ARHGAP39: variants seen among roughly 807,000 people sequenced by gnomAD.
The protein encoded by ARHGAP39 is rho GTPase-activating protein 39.
Under a neutral mutation model 106.9 loss-of-function variants are expected in ARHGAP39, and 44 were observed. The observed-to-expected ratio is 0.41, with a 90% CI of 0.32 to 0.53. The LOEUF is 0.53. Among genes scored for constraint, ARHGAP39 ranks in the 20% least tolerant of loss-of-function variants. The pLI is 0.21. For synonymous variants in ARHGAP39, 768 were observed against 693.2 expected (o/e 1.11, Z -1.69); for missense variants, 1,496 against 1,577.3 (o/e 0.95, Z 0.87).
At chr8:144,653,131 T>A (rs1821613785) in intron 1 of ARHGAP39, among the ~76,000 whole-genome samples, 1 of 151,858 alleles carries the variant, frequency 6.6e-6, no homozygotes, top group Non-Finnish European at 1.5e-5. Flanking sequence ...AACCCAGTCT[T>A]GACTAAAAAT....
At chr8:144,597,921 CA>C (rs1484695945) in intron 2 of ARHGAP39, among the ~76,000 whole-genome samples, 1 of 152,142 alleles carries the variant, frequency 6.6e-6, no homozygotes, top group Non-Finnish European at 1.5e-5. Flanking sequence ...GTCCACACCA[CA>C]AAGGCTAAAA....
At position 144,547,617 on chromosome 8, in the gene ARHGAP39, C is replaced by T; in HGVS notation, c.1469G>A (p.Gly490Asp). 6.7e-7 allele frequency: 1 copy of T among 1,497,922 alleles called. No individual in the cohort carries two copies. Among genetic ancestry groups the T allele is most frequent in the Non-Finnish European group, 8.9e-7 (1 of 1,125,038 alleles). 92.8% of individuals were successfully genotyped at this position (1,497,922 alleles called of 1,614,324 possible). Residue 490 changes from glycine to aspartate, a missense_variant, in exon 5 of 12, where the codon GGC becomes GAC. Coordinates refer to ENST00000377307, the MANE Select transcript of ARHGAP39 (RefSeq NM_025251.3). The surrounding 1 kb of genome is among the most constrained non-coding windows in gnomAD (Gnocchi z 5.2). ...DTLSSTGYSPGTRKRKSRKPS... is the reference protein window; with the variant it reads ...DTLSSTGYSPDTRKRKSRKPS... The stretch of plus-strand genomic sequence containing the variant: ...CTTTCTGCTCTTCCGCTTGCGCGTG[C>T]CCGGGGAGTAGCCTGTGGAGGACAG...
chr8:144,532,477 G>C, intron 9 of ARHGAP39, 81 bp from the exon 10 acceptor site: 1 of 1,309,700 alleles, frequency 7.6e-7, no homozygotes, highest in South Asian at 1.3e-5. Context: ...CCCTCCGGTA[G>C]GCCCCTGCTG....
rs1166899261 is a variant in ARHGAP39 at position 144,670,636 on chromosome 8, C to G, written c.-82+15050G>C. Among the ~76,000 whole-genome samples the G allele has an allele frequency of 1.3e-5, 2 of 152,268 alleles. No individual in the cohort carries two copies. The highest frequency in any genetic ancestry group is 3.4e-3 in the Middle Eastern group (1 of 294). ...GGCTCCTGCCATCCGGTCCTGCTAA[C>G]CCCAGGGCTGCCACATGAGCTGATC... On this transcript the variant is annotated intron_variant, in intron 1 of 11. Transcript: ENST00000377307. The surrounding 1 kb of genome is among the most constrained non-coding windows in gnomAD (Gnocchi z 4.4).
rs571299950 is a variant in ARHGAP39 at position 144,646,379 on chromosome 8, G to A, written c.-82+39307C>T. Among the ~76,000 whole-genome samples, 30 of 152,300 alleles carry A rather than the reference G, an allele frequency of 2.0e-4. No homozygotes were observed. Among genetic ancestry groups the A allele is most frequent in the African/African-American group, 6.3e-4 (26 of 41,562 alleles). ...GCGGGAGGGGAGGGAGTGAAACTTCGTAGCACATGCCTTCTTGGCTTCTGT... is the reference window on the plus strand; with the variant it reads ...GCGGGAGGGGAGGGAGTGAAACTTCATAGCACATGCCTTCTTGGCTTCTGT... On this transcript the variant is annotated intron_variant, in intron 1 of 11. Coordinates refer to ENST00000377307, the MANE Select transcript of ARHGAP39 (RefSeq NM_025251.3). The surrounding 1 kb of genome is among the most constrained non-coding windows in gnomAD (Gnocchi z 5.7).
Position 144,548,318 on chromosome 8 carries a change from G to C in ARHGAP39, c.768C>G (p.Thr256=), listed in dbSNP as rs1453037413. Residue 256 remains threonine, a synonymous_variant, in exon 5 of 12, where the codon ACC becomes ACG. Coordinates refer to ENST00000377307, the MANE Select transcript of ARHGAP39 (RefSeq NM_025251.3). The surrounding 1 kb of genome is among the most constrained non-coding windows in gnomAD (Gnocchi z 7.4). ...TGGTGCCGTCAGCCTCCGGGGCGAAGGTCTGCAGGCTGGGTGAGTGCTGGC... is the reference window on the plus strand; with the variant it reads ...TGGTGCCGTCAGCCTCCGGGGCGAACGTCTGCAGGCTGGGTGAGTGCTGGC... ...SGSQHSPSLQ[T]FAPEADGTIF... 12 of 1,608,654 alleles carry C rather than the reference G, an allele frequency of 7.5e-6. No homozygotes were observed. Among genetic ancestry groups the C allele is most frequent in the African/African-American group, 6.7e-5 (5 of 74,858 alleles).
At position 144,538,499 on chromosome 8, in the gene ARHGAP39, A is replaced by G. The variant is rs965628805; in HGVS notation, c.2522-686T>C. On this transcript the variant is annotated intron_variant, in intron 6 of 11. Transcript: ENST00000377307. ...TGGATATGTACGTAAATTATTTGTC[A>G]TTATTCTGCACAGATTTGTCTATTC... is the stretch of plus-strand genomic sequence containing the variant. 2.0e-5 allele frequency among the ~76,000 whole-genome samples: 3 copies of G among 151,954 alleles called. No individual in the cohort carries two copies. The East Asian group carries it at 5.8e-4, about 29-fold the overall frequency.
chr8:144,557,147 A>C (rs75022576), intron 3 of ARHGAP39, among the ~76,000 whole-genome samples: 2 of 9,410 alleles, frequency 2.1e-4, no homozygotes, highest in Admixed American at 1.1e-3. Flanking sequence ...TAGTATTCAG[A>C]GGCAAAAGGC....
At position 144,680,571 on chromosome 8, in the gene ARHGAP39, C is replaced by T. The variant is rs376898678; in HGVS notation, c.-82+5115G>A. Among the ~76,000 whole-genome samples the T allele has an allele frequency of 2.0e-5, 3 of 152,164 alleles. No homozygotes were observed. The East Asian group carries it at 5.8e-4, about 29-fold the overall frequency. ...AAGTTCCCCGAAAGCATGTCTGTGGCACTACAATGTACGTACAACTGAGCA... is the reference window on the plus strand; with the variant it reads ...AAGTTCCCCGAAAGCATGTCTGTGGTACTACAATGTACGTACAACTGAGCA... On this transcript the variant is annotated intron_variant, in intron 1 of 11. Transcript: ENST00000377307.
At chr8:144,662,136 C>A (rs1012088208) in intron 1 of ARHGAP39, among the ~76,000 whole-genome samples, 1 of 151,522 alleles carries the variant, frequency 6.6e-6, no homozygotes, top group Non-Finnish European at 1.5e-5. Context: ...CTCACCTTCC[C>A]CATTTTCCAC....
chr8:144,597,904 G>A (rs897683752), intron 2 of ARHGAP39, among the ~76,000 whole-genome samples: 1 of 152,166 alleles, frequency 6.6e-6, no homozygotes, highest in African/African-American at 2.4e-5. Context: ...GGAACAGACA[G>A]GGATGCGTCC....
intron 2 of ARHGAP39, among the ~76,000 whole-genome samples, chr8:144,583,583 C>G (rs1000602701): frequency 1.3e-5 from 2 of 152,204 alleles, no homozygotes; most frequent in African/African-American, 4.8e-5. Flanking sequence ...CTTTAACCCA[C>G]GACTTTGAGC....
chr8:144,630,559 C>T (rs1034294296), intron 1 of ARHGAP39, among the ~76,000 whole-genome samples: 2 of 152,224 alleles, frequency 1.3e-5, no homozygotes, highest in African/African-American at 4.8e-5. Flanking sequence ...CTCCAGTGAC[C>T]GAGACACTGA....
intron 1 of ARHGAP39, among the ~76,000 whole-genome samples, chr8:144,661,210 A>AGAGGAGGCCATTCCACTCTACACACAG (rs1307996205): frequency 2.7e-4 from 41 of 152,290 alleles, no homozygotes; most frequent in African/African-American, 9.6e-4. Context: ...AGTGTGGAGC[A>AGAGGAGGCCATTCCACTCTACACACAG]GAGGAGGCCA....
Position 144,548,091 on chromosome 8 carries a change from A to T in ARHGAP39, c.995T>A (p.Val332Glu), listed in dbSNP as rs748621226. 11 of 1,593,242 alleles carry T rather than the reference A, an allele frequency of 6.9e-6. 1 individual carries two copies. In the South Asian group the frequency reaches 1.1e-4, roughly 16 times the overall value. Residue 332 changes from valine to glutamate, a missense_variant, in exon 5 of 12, where the codon GTG becomes GAG. Physicochemically the swap from Val to Glu is moderately radical, Grantham distance 121. This residue lies in a region of ARHGAP39 where 905 missense variants were observed against 816.4 expected (regional missense o/e 1.11). Coordinates refer to ENST00000377307, the MANE Select transcript of ARHGAP39 (RefSeq NM_025251.3). The surrounding 1 kb of genome is among the most constrained non-coding windows in gnomAD (Gnocchi z 7.4). ...GTAGCCCCCGCCAGCCTCGAATTGC[A>T]CGTCCATGGGGGGCTCATCGTAGAT... The part of the protein sequence containing the change: ...APIYDEPPMD[V>E]QFEAGGGYQA...
chr8:144,581,308 G>A, intron 2 of ARHGAP39, 31 bp from the exon 3 acceptor site: 1 of 1,510,800 alleles, frequency 6.6e-7, no homozygotes. Flanking sequence ...GGCGGCTGGA[G>A]CCACGGCGGC....
intron 1 of ARHGAP39, among the ~76,000 whole-genome samples, chr8:144,621,267 C>T (rs185487783): frequency 1.0e-3 from 157 of 152,412 alleles, no homozygotes; most frequent in Non-Finnish European, 1.9e-3. Flanking sequence ...GCCAGGTCTC[C>T]CTGATGAGGG....
chr8:144,685,966 G>A (rs1246676176), upstream of ARHGAP39, among the ~76,000 whole-genome samples: 2 of 151,344 alleles, frequency 1.3e-5, no homozygotes, highest in East Asian at 2.0e-4. Context: ...GCATGCGCTG[G>A]CGCGCGGCAT....
chr8:144,534,412 G>A (rs1486825741), intron 7 of ARHGAP39, among the ~76,000 whole-genome samples: 1 of 152,170 alleles, frequency 6.6e-6, no homozygotes, highest in Non-Finnish European at 1.5e-5. Flanking sequence ...ACCTGCAGAG[G>A]GACAGGCTTG....
Sources: allele counts gnomAD v4.1 joint callset (sites outside exome capture counted in the v4.1 genomes callset), GRCh38; gene constraint gnomAD v4.1.1; regional missense constraint gnomAD v4.1.1; non-coding constraint Gnocchi (gnomAD v3.1); transcripts MANE v1.5; gene names NCBI Gene and HGNC (gene_info 2026-07-23, HGNC 2026-07-21).